The following AK8 variants were observed in gnomAD, a reference collection of about 807,000 sequenced individuals.
AK8 encodes the protein ATP-AMP transphosphorylase 8.
In AK8, 44 loss-of-function variants were observed where a neutral mutation model predicts 54.6. That is an observed-to-expected ratio of 0.81 (90% confidence interval 0.63 to 1.04). AK8 has a LOEUF of 1.04. Among genes scored for constraint, AK8 ranks in the 50% least tolerant of loss-of-function variants. The pLI is 0.00. For synonymous variants in AK8, 239 were observed against 245.6 expected (o/e 0.97, Z 0.25); for missense variants, 555 against 613.6 (o/e 0.90, Z 1.01).
chr9:132,877,496 C>T (rs1588252336), intron 1 of AK8, among the ~76,000 whole-genome samples: 1 of 152,214 alleles, frequency 6.6e-6, no homozygotes, highest in East Asian at 1.9e-4. Flanking sequence ...GAGTTCTTCC[C>T]CTCCAGCTCC....
At chr9:132,753,782 T>C (rs1838059823) in intron 11 of AK8, among the ~76,000 whole-genome samples, 1 of 152,186 alleles carries the variant, frequency 6.6e-6, no homozygotes. Flanking sequence ...TCACGCCCCA[T>C]CCCTGCAGCC....
chr9:132,772,566 T>C (rs913784247), intron 11 of AK8, among the ~76,000 whole-genome samples: 5 of 152,218 alleles, frequency 3.3e-5, no homozygotes, highest in Admixed American at 3.3e-4. Flanking sequence ...TCCAGGACTC[T>C]GAAGAAATAA....
intron 10 of AK8, among the ~76,000 whole-genome samples, chr9:132,795,603 C>T (rs760736285): frequency 6.6e-6 from 1 of 152,196 alleles, no homozygotes; most frequent in Middle Eastern, 3.2e-3. Context: ...CCTATCCCCA[C>T]GATTCACCCA....
At chr9:132,867,408 G>A (rs142372611) in intron 2 of AK8, among the ~76,000 whole-genome samples, 128 of 152,342 alleles carry the variant, frequency 8.4e-4, no homozygotes, top group Non-Finnish European at 1.5e-3. Context: ...GAAAAGCCTG[G>A]AGTGTATGGG....
At chr9:132,783,284 G>A (rs140711104) in intron 11 of AK8, among the ~76,000 whole-genome samples, 10 of 152,308 alleles carry the variant, frequency 6.6e-5, no homozygotes, top group African/African-American at 2.4e-4. Flanking sequence ...CCTCTAGAAG[G>A]TGGAAGAGGC....
chr9:132,849,722 A>C (rs1842893266), intron 5 of AK8, among the ~76,000 whole-genome samples: 1 of 152,214 alleles, frequency 6.6e-6, no homozygotes, highest in Non-Finnish European at 1.5e-5. Context: ...CATGCTGGAA[A>C]GATTCCTGCT....
chr9:132,748,709 C>G (rs1353251606), intron 11 of AK8, among the ~76,000 whole-genome samples: 2 of 151,850 alleles, frequency 1.3e-5, no homozygotes, highest in Non-Finnish European at 2.9e-5. Flanking sequence ...TGGGGTTGAT[C>G]TCGATATTAA....
intron 5 of AK8, 55 bp downstream of exon 5, chr9:132,854,802 C>T: frequency 3.2e-6 from 5 of 1,586,458 alleles, no homozygotes; most frequent in Non-Finnish European, 4.3e-6. Context: ...GAACACACGC[C>T]CTTCACCCTC....
intron 10 of AK8, among the ~76,000 whole-genome samples, chr9:132,801,091 A>T (rs570742016): frequency 2.0e-5 from 3 of 151,802 alleles, no homozygotes; most frequent in Non-Finnish European, 2.9e-5. Context: ...GGCCCGGCTA[A>T]TTTTTTTTGT....
At chr9:132,729,443 G>T (rs182738895) in intron 11 of AK8, among the ~76,000 whole-genome samples, 503 of 152,306 alleles carry the variant, frequency 3.3e-3, no homozygotes, top group Admixed American at 5.8e-3. Context: ...GCTGGGAGAG[G>T]TGGGGCTGGG....
At chr9:132,747,841 C>T (rs952183842) in intron 11 of AK8, among the ~76,000 whole-genome samples, 9 of 149,380 alleles carry the variant, frequency 6.0e-5, no homozygotes, top group African/African-American at 2.2e-4. Context: ...ACAGGCTGGG[C>T]GTGGTGGCTC....
At chr9:132,835,341 C>A (rs1455377844) in intron 5 of AK8, among the ~76,000 whole-genome samples, 2 of 152,190 alleles carry the variant, frequency 1.3e-5, no homozygotes, top group African/African-American at 4.8e-5. Flanking sequence ...CCAAGATAGC[C>A]CCCTGCAGAG....
chr9:132,861,916 A>C (rs1378949292), intron 4 of AK8, among the ~76,000 whole-genome samples: 1 of 152,228 alleles, frequency 6.6e-6, no homozygotes, highest in Non-Finnish European at 1.5e-5. Context: ...TTCTGAGCCA[A>C]GGACCCCAAC....
At chr9:132,742,818 C>A (rs932114715) in intron 11 of AK8, among the ~76,000 whole-genome samples, 1 of 152,204 alleles carries the variant, frequency 6.6e-6, no homozygotes, top group Non-Finnish European at 1.5e-5. Flanking sequence ...CTCCGTGAGG[C>A]CACTTCATCC....
chr9:132,763,192 G>C (rs988618841), intron 11 of AK8, among the ~76,000 whole-genome samples: 1 of 152,218 alleles, frequency 6.6e-6, no homozygotes, highest in African/African-American at 2.4e-5. Context: ...TACCGCTGGA[G>C]TGTGCCTTGC....
intron 12 of AK8, 107 bp from the exon 13 acceptor site, chr9:132,726,032 C>T (rs749550511): frequency 4.6e-6 from 4 of 877,564 alleles, no homozygotes; most frequent in Non-Finnish European, 7.3e-6. Flanking sequence ...CTGGCCACCA[C>T]CACCATCACC....
intron 9 of AK8, among the ~76,000 whole-genome samples, chr9:132,819,718 AT>A (rs1178123762): frequency 6.6e-6 from 1 of 152,130 alleles, no homozygotes; most frequent in Non-Finnish European, 1.5e-5. Flanking sequence ...CAGAATACCT[AT>A]TTTTTTAAGT....
chr9:132,734,537 A>C (rs955342071), intron 11 of AK8, among the ~76,000 whole-genome samples: 3 of 152,080 alleles, frequency 2.0e-5, no homozygotes, highest in Admixed American at 6.6e-5. Flanking sequence ...GGAGTTCAAG[A>C]CCAACCTGGG....
At chr9:132,786,173 ACCTGGG>A (rs1438070844) in intron 11 of AK8, among the ~76,000 whole-genome samples, 13 of 152,222 alleles carry the variant, frequency 8.5e-5, no homozygotes, top group African/African-American at 2.9e-4. Context: ...CACAGGTGCC[ACCTGGG>A]AACTGGTGGC....
Sources: allele counts gnomAD v4.1 joint callset (sites outside exome capture counted in the v4.1 genomes callset), GRCh38; gene constraint gnomAD v4.1.1; transcripts MANE v1.5; gene names NCBI Gene and HGNC (gene_info 2026-07-23, HGNC 2026-07-21).